Variants in ASIP observed in about 807,000 individuals in gnomAD.
ASIP encodes the protein agouti-signaling protein.
A neutral mutation model predicts 10.3 loss-of-function variants in ASIP; 11 were observed. The ratio of observed to expected loss-of-function variants is 1.07; its 90% confidence interval spans 0.68 to 1.78. The LOEUF is 1.78. Among genes scored for constraint, ASIP ranks in the 40% most tolerant of loss-of-function variants. ASIP has a pLI of 0.00. For missense variants in ASIP, 180 were observed against 169.2 expected (o/e 1.06, Z -0.35); for synonymous variants, 70 against 70.8 (o/e 0.99, Z 0.06).
At chr20:34,226,773 G>C (rs1322158229) in intron 1 of ASIP, among the ~76,000 whole-genome samples, 1 of 152,014 alleles carries the variant, frequency 6.6e-6, no homozygotes, top group Non-Finnish European at 1.5e-5. Context: ...ATGTTTTATA[G>C]AGATGGGGTC....
intron 1 of ASIP, among the ~76,000 whole-genome samples, chr20:34,202,155 T>C (rs2034904117): frequency 6.6e-6 from 1 of 152,158 alleles, no homozygotes; most frequent in African/African-American, 2.4e-5. Flanking sequence ...TTAAAGATAT[T>C]CTATCTTATA....
chr20:34,223,201 G>A (rs1181612622), intron 1 of ASIP, among the ~76,000 whole-genome samples: 3 of 151,666 alleles, frequency 2.0e-5, no homozygotes, highest in Admixed American at 6.6e-5. Context: ...CTTCCCAGCC[G>A]CCATCACATC....
chr20:34,215,498 C>T (rs2035001670), intron 1 of ASIP: 1 of 1,530,266 alleles, frequency 6.5e-7, no homozygotes, highest in African/African-American at 1.4e-5. Context: ...TTTAGGTCCA[C>T]TACTGAGAGA....
chr20:34,206,970 G>A (rs6088426), intron 1 of ASIP, among the ~76,000 whole-genome samples: 15,697 of 152,174 alleles, frequency 0.1, 868 homozygotes, highest in South Asian at 0.18. Context: ...ACATGGGAGT[G>A]CAGATATTTT....
upstream of ASIP, among the ~76,000 whole-genome samples, chr20:34,189,818 C>A (rs8122938): frequency 6.6e-6 from 1 of 151,958 alleles, no homozygotes; most frequent in African/African-American, 2.4e-5. Flanking sequence ...TTCATGTCTC[C>A]CACCAACCCC....
At chr20:34,237,937 T>A (rs2035232456), upstream of ASIP, among the ~76,000 whole-genome samples, 1 of 152,200 alleles carries the variant, frequency 6.6e-6, no homozygotes, top group Non-Finnish European at 1.5e-5. Context: ...GGTTGACAGT[T>A]TTTTTCTTTC....
intron 1 of ASIP, among the ~76,000 whole-genome samples, chr20:34,225,497 T>C (rs2035086595): frequency 6.6e-6 from 1 of 152,068 alleles, no homozygotes; most frequent in African/African-American, 2.4e-5. Context: ...TTATCATCCT[T>C]CTTTTTCAAT....
chr20:34,207,049 T>G (rs1185830063), intron 1 of ASIP, among the ~76,000 whole-genome samples: 1 of 152,228 alleles, frequency 6.6e-6, no homozygotes, highest in Non-Finnish European at 1.5e-5. Context: ...ATATGGTAGT[T>G]CTATTTTTAG....
chr20:34,258,795 TATATA>T (rs1251957668), intron 1 of ASIP, among the ~76,000 whole-genome samples: 35 of 117,952 alleles, frequency 3.0e-4, no homozygotes, highest in Non-Finnish European at 4.8e-4. Context: ...ATATAGTGTA[TATATA>T]ATATATGATA....
At chr20:34,205,695 G>A (rs571233672) in intron 1 of ASIP, among the ~76,000 whole-genome samples, 1 of 139,680 alleles carries the variant, frequency 7.2e-6, no homozygotes, top group African/African-American at 3.1e-5. Context: ...CGCTGATTTT[G>A]CCGTTTTACA....
At chr20:34,233,014 G>C (rs890852205) in intron 1 of ASIP, among the ~76,000 whole-genome samples, 1 of 151,984 alleles carries the variant, frequency 6.6e-6, no homozygotes. Flanking sequence ...TGGGATCGTT[G>C]TTCTCCTTCC....
chr20:34,215,318 G>A, intron 1 of ASIP: 5 of 1,559,544 alleles, frequency 3.2e-6, no homozygotes, highest in East Asian at 2.2e-5. Context: ...TGATAATTTT[G>A]TGATATTTGG....
intron 1 of ASIP, among the ~76,000 whole-genome samples, chr20:34,236,057 GGAGA>G (rs1370406009): frequency 7.5e-6 from 1 of 132,942 alleles, no homozygotes; most frequent in Admixed American, 8.1e-5. Context: ...AAGGAAGGAA[GGAGA>G]GAGAGAAAGA....
chr20:34,265,703 A>C (rs1214727442), intron 3 of ASIP, among the ~76,000 whole-genome samples: 1 of 152,186 alleles, frequency 6.6e-6, no homozygotes, highest in Admixed American at 6.5e-5. Context: ...TAATCCCAGC[A>C]CTTTGGGAGG....
chr20:34,189,209 G>A, the ASIP span, among the ~76,000 whole-genome samples: 1 of 152,126 alleles, frequency 6.6e-6, no homozygotes, highest in Admixed American at 6.6e-5. Context: ...TAGAACTTCT[G>A]GCCATGTGGG....
chr20:34,252,340 G>A (rs966894902), intron 1 of ASIP, among the ~76,000 whole-genome samples: 9 of 152,204 alleles, frequency 5.9e-5, no homozygotes, highest in Non-Finnish European at 1.0e-4. Context: ...AGGGCAACAG[G>A]TGGGGAGAAG....
At chr20:34,256,876 G>C (rs949085233) in intron 1 of ASIP, among the ~76,000 whole-genome samples, 1 of 152,052 alleles carries the variant, frequency 6.6e-6, no homozygotes, top group Admixed American at 6.6e-5. Context: ...AACTTCCTGG[G>C]GTCAGGTGAT....
intron 1 of ASIP, among the ~76,000 whole-genome samples, chr20:34,227,649 G>T (rs1405465080): frequency 2.0e-5 from 3 of 148,812 alleles, no homozygotes; most frequent in African/African-American, 7.6e-5. Context: ...AAAAAAAAGA[G>T]ATATACCATA....
At chr20:34,247,673 AAC>A (rs955495272) in intron 1 of ASIP, among the ~76,000 whole-genome samples, 17 of 151,730 alleles carry the variant, frequency 1.1e-4, no homozygotes, top group Non-Finnish European at 2.5e-4. Flanking sequence ...CAGTGGCACA[AAC>A]ACAGCTCACT....
Sources: gnomAD v4.1 joint callset for allele counts (sites outside exome capture counted in the v4.1 genomes callset) on GRCh38, gnomAD v4.1.1 for gene constraint, MANE v1.5 for transcripts, NCBI Gene and HGNC (gene_info 2026-07-23, HGNC 2026-07-21) for gene names.